Variants in GMDS observed in about 807,000 individuals in gnomAD.
The protein encoded by GMDS is GDP-mannose 4,6 dehydratase.
A neutral mutation model predicts 49.9 loss-of-function variants in GMDS; 20 were observed. The observed-to-expected ratio is 0.40, with a 90% CI of 0.28 to 0.58. GMDS has a LOEUF of 0.58. GMDS is among the 20% of genes least tolerant of loss of function. GMDS has a pLI of 0.42. For synonymous variants in GMDS, 177 were observed against 178.6 expected, an observed-to-expected ratio of 0.99 and a Z score of 0.07; for missense variants, 362 against 481.4, an observed-to-expected ratio of 0.75 and a Z score of 2.32.
At chr6:2,033,996 T>C (rs900937633) in intron 4 of GMDS, among the ~76,000 whole-genome samples, 3 of 152,238 alleles carry the variant, frequency 2.0e-5, no homozygotes, top group Non-Finnish European at 4.4e-5. Flanking sequence ...GTCATTGTTA[T>C]GTCATCCATT....
intron 4 of GMDS, among the ~76,000 whole-genome samples, chr6:2,049,999 G>A (rs1259349548): frequency 6.6e-6 from 1 of 152,082 alleles, no homozygotes; most frequent in Non-Finnish European, 1.5e-5. Context: ...AAATTCAAAA[G>A]CTAGCAGAAA....
At chr6:2,168,197 T>C (rs149183322) in intron 1 of GMDS, among the ~76,000 whole-genome samples, 1 of 152,322 alleles carries the variant, frequency 6.6e-6, no homozygotes, top group East Asian at 1.9e-4. Flanking sequence ...GAAAGATGTG[T>C]TAGCAACAGT....
Position 1,842,005 on chromosome 6 carries a change from G to A in GMDS, c.771+88098C>T, listed in dbSNP as rs141734709. 5.8e-3 allele frequency among the ~76,000 whole-genome samples: 890 copies of A among 152,204 alleles called. 4 individuals are homozygous for A. Among genetic ancestry groups the A allele is most frequent in the Non-Finnish European group, 9.3e-3 (634 of 68,008 alleles). On this transcript the variant is annotated intron_variant, in intron 7 of 10. Transcript: ENST00000380815. ...TTCGGAATGGCATTCAGACTTCTAC[G>A]TGACACACATGGACTCTTCCCCAGG...
At position 1,796,473 on chromosome 6, in the gene GMDS, C is replaced by T. The variant is rs763308500; in HGVS notation, c.772-53887G>A. Among the ~76,000 whole-genome samples, 3 of 152,206 alleles carry T rather than the reference C, an allele frequency of 2.0e-5. No homozygotes were observed. The South Asian group carries it at 6.2e-4, about 32-fold the overall frequency. ...TGCAATTAGGTATACTGGAGAGGGG[C>T]CCAGGAAACTCTAATTTTATAAAGC... On this transcript the variant is annotated intron_variant, in intron 7 of 10. Coordinates refer to ENST00000380815, the MANE Select transcript of GMDS (RefSeq NM_001500.4).
chr6:1,705,126 C>T (rs1426901653), intron 9 of GMDS, among the ~76,000 whole-genome samples: 2 of 152,188 alleles, frequency 1.3e-5, no homozygotes, highest in Non-Finnish European at 2.9e-5. Context: ...GATAGCTGAC[C>T]ACATGTCAGG....
intron 1 of GMDS, among the ~76,000 whole-genome samples, chr6:2,142,539 C>G (rs1776353590): frequency 6.6e-6 from 1 of 152,170 alleles, no homozygotes; most frequent in Non-Finnish European, 1.5e-5. Flanking sequence ...CAGAAAACCA[C>G]CAGCGGCAAG....
intron 7 of GMDS, among the ~76,000 whole-genome samples, chr6:1,858,672 A>C (rs918191401): frequency 5.3e-5 from 8 of 151,938 alleles, no homozygotes; most frequent in African/African-American, 1.9e-4. Context: ...TTTATTTCTG[A>C]CACCGAGAGC....
intron 9 of GMDS, among the ~76,000 whole-genome samples, chr6:1,669,058 A>C (rs1355748409): frequency 6.6e-6 from 1 of 152,284 alleles, no homozygotes; most frequent in African/African-American, 2.4e-5. Context: ...TCTCTGCAAC[A>C]TTAAAATCTA....
chr6:1,970,466 A>G (rs1348350443), intron 4 of GMDS, among the ~76,000 whole-genome samples: 1 of 152,162 alleles, frequency 6.6e-6, no homozygotes, highest in Admixed American at 6.5e-5. Flanking sequence ...GTGCAGACCT[A>G]GAAGCACTGC....
rs113760419 is a variant in GMDS at position 1,645,417 on chromosome 6, C to T, written c.988-20877G>A. Among the ~76,000 whole-genome samples the T allele has an allele frequency of 3.3e-3, 500 of 152,322 alleles. 1 individual carries two copies. The highest frequency in any genetic ancestry group is 0.012 in the African/African-American group (483 of 41,568). On this transcript the variant is annotated intron_variant, in intron 9 of 10. Transcript: ENST00000380815. ...TGTCTTGATGGCAGAAGGCACTTTT[C>T]AATCACTGTGCAAATGGCGCCTTCT... is the stretch of plus-strand genomic sequence containing the variant.
intron 9 of GMDS, among the ~76,000 whole-genome samples, chr6:1,694,996 T>G (rs1170468088): frequency 6.6e-6 from 1 of 152,198 alleles, no homozygotes; most frequent in African/African-American, 2.4e-5. Flanking sequence ...TAGAATTTCT[T>G]TGTTTTCTTG....
intron 9 of GMDS, among the ~76,000 whole-genome samples, chr6:1,712,217 T>G (rs1561749453): frequency 6.6e-6 from 1 of 152,238 alleles, no homozygotes; most frequent in Non-Finnish European, 1.5e-5. Flanking sequence ...TTTTCTTTGA[T>G]AGTAATCACA....
chr6:1,827,294 CAT>C (rs1442173269), intron 7 of GMDS, among the ~76,000 whole-genome samples: 35 of 151,854 alleles, frequency 2.3e-4, no homozygotes, highest in African/African-American at 2.9e-4. Flanking sequence ...TATATACACA[CAT>C]GTTTTGGAAA....
At chr6:1,665,247 C>A (rs527438116) in intron 9 of GMDS, among the ~76,000 whole-genome samples, 6 of 152,322 alleles carry the variant, frequency 3.9e-5, no homozygotes, top group East Asian at 3.9e-4. Context: ...ATCTCTCCCC[C>A]CTCCTGGCTT....
At position 1,739,805 on chromosome 6, in the gene GMDS, G is replaced by T. The variant is rs150632479; in HGVS notation, c.890+2663C>A. Among the ~76,000 whole-genome samples, 776 of 152,336 alleles carry T rather than the reference G, an allele frequency of 5.1e-3. 4 individuals are homozygous for T. Among genetic ancestry groups the T allele is most frequent in the Non-Finnish European group, 7.8e-3 (530 of 68,026 alleles). On this transcript the variant is annotated intron_variant, in intron 8 of 10. Coordinates refer to ENST00000380815, the MANE Select transcript of GMDS (RefSeq NM_001500.4). ...TGGAGCCAAGAAGCAGAGGGGCCCT[G>T]AAGGAGCACCAGGTACCTAAGGCTA...
intron 7 of GMDS, among the ~76,000 whole-genome samples, chr6:1,877,469 A>G (rs901899724): frequency 2.6e-5 from 4 of 151,892 alleles, no homozygotes; most frequent in Admixed American, 1.3e-4. Flanking sequence ...GCAAGATCCT[A>G]TGTCTACAAA....
chr6:2,094,511 G>A (rs1422573483), intron 4 of GMDS, among the ~76,000 whole-genome samples: 13 of 152,210 alleles, frequency 8.5e-5, no homozygotes, highest in Non-Finnish European at 1.3e-4. Context: ...GAAGACGGTC[G>A]TGCCATGTAC....
intron 9 of GMDS, among the ~76,000 whole-genome samples, chr6:1,683,614 G>A (rs1247522185): frequency 6.6e-6 from 1 of 152,192 alleles, no homozygotes; most frequent in Non-Finnish European, 1.5e-5. Context: ...CAAGGATGAG[G>A]ATCGGTTATT....
At chr6:2,204,466 G>C (rs531303770) in intron 1 of GMDS, among the ~76,000 whole-genome samples, 48 of 152,178 alleles carry the variant, frequency 3.2e-4, no homozygotes, top group Non-Finnish European at 6.0e-4. Context: ...TAGGCATGTA[G>C]GGACAGTGTT....
Sources: gnomAD v4.1 joint callset for allele counts (sites outside exome capture counted in the v4.1 genomes callset) on GRCh38, gnomAD v4.1.1 for gene constraint, MANE v1.5 for transcripts, NCBI Gene and HGNC (gene_info 2026-07-23, HGNC 2026-07-21) for gene names.